The following NBN variants were observed in gnomAD, a reference collection of about 807,000 sequenced individuals.
NBN encodes the protein Nijmegen breakage syndrome 1 (nibrin).
A neutral mutation model predicts 90.8 loss-of-function variants in NBN; 88 were observed. The observed-to-expected ratio is 0.97, with a 90% CI of 0.82 to 1.16. NBN has a LOEUF of 1.16. Among genes scored for constraint, NBN ranks in the 50% most tolerant of loss-of-function variants. NBN has a pLI of 0.00. For synonymous variants in NBN, 328 were observed against 295.1 expected (o/e 1.11, Z -1.14); for missense variants, 894 against 869.6 (o/e 1.03, Z -0.35).
At chr8:89,939,633 G>C (rs967021238) in intron 14 of NBN, among the ~76,000 whole-genome samples, 3 of 152,150 alleles carry the variant, frequency 2.0e-5, no homozygotes, top group African/African-American at 4.8e-5. Context: ...TCCTAATACT[G>C]TCTCAATCCA....
chr8:89,939,044 C>G (rs2735387), intron 14 of NBN, among the ~76,000 whole-genome samples: 61,306 of 151,946 alleles, frequency 0.4, 13,745 homozygotes, highest in African/African-American at 0.62. Flanking sequence ...AACTACTACT[C>G]ACAGTCTTTC....
chr8:89,943,740 C>T lies in NBN; in HGVS notation c.2071-374G>A, dbSNP rs74750329. Reference sequence around the variant, plus strand: ...GTTCTAATGACTTCAAAGCTTAAGCCCTTTCTAATATTGATGAAAATTTAA... The same window carrying T: ...GTTCTAATGACTTCAAAGCTTAAGCTCTTTCTAATATTGATGAAAATTTAA... On this transcript the variant is annotated intron_variant, in intron 13 of 15. Coordinates refer to ENST00000265433, the MANE Select transcript of NBN (RefSeq NM_002485.5). 5.0e-3 allele frequency among the ~76,000 whole-genome samples: 757 copies of T among 152,116 alleles called. 9 individuals carry two copies. The highest frequency in any genetic ancestry group is 0.017 in the African/African-American group (692 of 41,506).
At chr8:89,970,995 C>A (rs1304967181) in intron 6 of NBN, among the ~76,000 whole-genome samples, 178 bp downstream of exon 6, 3 of 152,180 alleles carry the variant, frequency 2.0e-5, no homozygotes. Context: ...TTTTAAGAAA[C>A]CCCGTAATCA....
rs779116935 is a variant in NBN, at chr8:89,953,591, A to G, written c.1498T>C (p.Leu500=). The change falls in exon 11 of 16, where the codon TTG becomes CTG. Residue 500 remains leucine, a synonymous_variant. Transcript: ENST00000265433. ...AGATGCTGCTCCTTATTTTTCCACA[A>G]TGAGGGTGTAGCAGGTTGTGTTTGT... is the stretch of plus-strand genomic sequence containing the variant. ...LEQTQPATPS[L]WKNKEQHLSE... 2 of 1,613,666 alleles carry G rather than the reference A, an allele frequency of 1.2e-6. No individual in the cohort carries two copies. Among genetic ancestry groups the G allele is most frequent in the Non-Finnish European group, 8.5e-7 (1 of 1,179,756 alleles).
Position 89,933,490 on chromosome 8 carries a change from T to G in NBN, c.*2092A>C. The G allele has an allele frequency of 4.3e-6, 1 of 230,176 alleles. No individual in the cohort carries two copies. Among genetic ancestry groups the G allele is most frequent in the East Asian group, 6.2e-5 (1 of 16,070 alleles). The allele number at this position is 230,176 out of a possible 1,614,324, so 14.3% of individuals were successfully genotyped here. On this transcript the variant is annotated 3_prime_UTR_variant, in exon 16 of 16. Transcript: ENST00000265433. Reference sequence around the variant, plus strand: ...TCCAGAAACAGATCCACCATTATGGTTAATTGATTTTTTACTAATTGGCAA... The same window carrying G: ...TCCAGAAACAGATCCACCATTATGGGTAATTGATTTTTTACTAATTGGCAA...
chr8:89,983,505 ATAAAAC>A (rs1422802161), intron 1 of NBN, among the ~76,000 whole-genome samples: 3 of 152,210 alleles, frequency 2.0e-5, no homozygotes, highest in African/African-American at 7.2e-5. Flanking sequence ...AAAATATGCC[ATAAAAC>A]TAAAAGTATG....
At chr8:89,971,033 G>T in intron 6 of NBN, 140 bp downstream of exon 6, 1 of 848,782 alleles carries the variant, frequency 1.2e-6, no homozygotes, top group Non-Finnish European at 1.8e-6. Context: ...CAGGTCTGGT[G>T]CCTGGGGTTT....
At chr8:89,968,845 T>A (rs538580449) in intron 7 of NBN, among the ~76,000 whole-genome samples, 8 of 152,356 alleles carry the variant, frequency 5.3e-5, no homozygotes, top group Non-Finnish European at 1.2e-4. Context: ...TTGTTTTTCA[T>A]TATATTTCCA....
chr8:89,958,092 T>G (rs1485000188), intron 9 of NBN, among the ~76,000 whole-genome samples: 1 of 152,158 alleles, frequency 6.6e-6, no homozygotes, highest in East Asian at 1.9e-4. Flanking sequence ...ATCCCTCACA[T>G]GCACAGCTCA....
chr8:89,935,720 A>G (rs1809639947), intron 15 of NBN, 108 bp from the exon 16 acceptor site: 1 of 1,380,904 alleles, frequency 7.2e-7, no homozygotes, highest in African/African-American at 1.4e-5. Context: ...TAGGATGGGA[A>G]TGACAATTTT....
intron 13 of NBN, 132 bp from the exon 14 acceptor site, chr8:89,943,498 G>T: frequency 4.3e-6 from 4 of 928,346 alleles, no homozygotes; most frequent in Non-Finnish European, 6.6e-6. Context: ...ACAAATAAAA[G>T]TGAGAGCAGT....
At chr8:89,949,907 TCAGA>T (rs1373403095) in intron 11 of NBN, among the ~76,000 whole-genome samples, 2 of 152,190 alleles carry the variant, frequency 1.3e-5, no homozygotes, top group African/African-American at 4.8e-5. Flanking sequence ...ACATGGACTT[TCAGA>T]CAAATTCTTA....
chr8:89,983,990 C>A (rs1812201819), intron 1 of NBN, among the ~76,000 whole-genome samples: 1 of 152,228 alleles, frequency 6.6e-6, no homozygotes. Flanking sequence ...GATCACATTT[C>A]ACACCGCTGG....
intron 5 of NBN, among the ~76,000 whole-genome samples, chr8:89,975,954 A>G (rs1478146805): frequency 6.6e-6 from 1 of 152,222 alleles, no homozygotes; most frequent in Non-Finnish European, 1.5e-5. Flanking sequence ...CTGTTAAAAT[A>G]CTATGCAAGT....
At chr8:89,942,253 A>G (rs6470522) in intron 14 of NBN, among the ~76,000 whole-genome samples, 130,883 of 152,164 alleles carry the variant, frequency 0.86, 56,656 homozygotes, top group African/African-American at 0.95. Context: ...ATGATAAGCC[A>G]GCCTTCATTC....
rs1243997138 is a variant in NBN, at chr8:89,934,302, T to G, written c.*1280A>C. ...CTATCATAATTTAAGTGTTCATAAC[T>G]CTCTATAATATTTCAATAATCTAAC... On this transcript the variant is annotated 3_prime_UTR_variant, in exon 16 of 16. Coordinates refer to ENST00000265433, the MANE Select transcript of NBN (RefSeq NM_002485.5). The G allele has an allele frequency of 4.3e-6, 1 of 232,442 alleles. No homozygotes were observed. Among genetic ancestry groups the G allele is most frequent in the Non-Finnish European group, 8.5e-6 (1 of 117,656 alleles). The allele number at this position is 232,442 out of a possible 1,614,324, so 14.4% of individuals were successfully genotyped here. A position where few individuals can be genotyped will look rare whatever the true frequency, so the allele number is the denominator to read the frequency against.
chr8:89,978,715 CAA>C (rs1225550205), intron 4 of NBN, among the ~76,000 whole-genome samples: 2 of 152,024 alleles, frequency 1.3e-5, no homozygotes, highest in African/African-American at 2.4e-5. Flanking sequence ...TCAGGGAAGA[CAA>C]TATTAGGAGA....
At chr8:89,944,599 C>T (rs2130759661) in intron 13 of NBN, among the ~76,000 whole-genome samples, 1 of 152,304 alleles carries the variant, frequency 6.6e-6, no homozygotes, top group South Asian at 2.1e-4. Context: ...TTGACCACTT[C>T]CTGGTGCTGG....
chr8:89,949,100 G>A (rs1208942265), intron 11 of NBN, among the ~76,000 whole-genome samples: 1 of 152,182 alleles, frequency 6.6e-6, no homozygotes, highest in Non-Finnish European at 1.5e-5. Flanking sequence ...CATGGCAGAT[G>A]CCCAATGCCT....
Sources: allele counts gnomAD v4.1 joint callset (sites outside exome capture counted in the v4.1 genomes callset), GRCh38; gene constraint gnomAD v4.1.1; transcripts MANE v1.5; gene names NCBI Gene and HGNC (gene_info 2026-07-23, HGNC 2026-07-21).